ATP13A5: variants seen among roughly 807,000 people sequenced by gnomAD.
ATP13A5 encodes the protein probable cation-transporting ATPase 13A5.
Under a neutral mutation model 150.2 loss-of-function variants are expected in ATP13A5, and 149 were observed. The ratio of observed to expected loss-of-function variants is 0.99; its 90% CI spans 0.87 to 1.14. The LOEUF is 1.14. Ranked by LOEUF, ATP13A5 falls within the 50% of genes most tolerant of loss-of-function variation. The pLI, the probability that ATP13A5 is intolerant of heterozygous loss-of-function variation, is 0.00. For synonymous variants in ATP13A5, 497 were observed against 522.2 expected (o/e 0.95, Z 0.66); for missense variants, 1,383 against 1,449.3 (o/e 0.95, Z 0.74).
intron 1 of ATP13A5, among the ~76,000 whole-genome samples, chr3:193,375,209 C>T (rs1713595986): frequency 6.6e-6 from 1 of 152,156 alleles, no homozygotes; most frequent in South Asian, 2.1e-4. Flanking sequence ...ATACCTACTG[C>T]AGAAGATATG....
At chr3:193,377,472 C>CT (rs531099439) in intron 1 of ATP13A5, among the ~76,000 whole-genome samples, 17 of 152,156 alleles carry the variant, frequency 1.1e-4, no homozygotes, top group Admixed American at 6.5e-4. Context: ...AGATGTTTTA[C>CT]TTTTTTTTAC....
intron 7 of ATP13A5, among the ~76,000 whole-genome samples, chr3:193,346,472 G>A (rs1443522676): frequency 6.6e-6 from 1 of 152,160 alleles, no homozygotes; most frequent in African/African-American, 2.4e-5. Flanking sequence ...TGCTGGGCCA[G>A]CCCTGGAAGG....
chr3:193,362,408 C>A lies in ATP13A5; in HGVS notation c.509G>T (p.Gly170Val). 2 of 1,614,080 alleles carry A rather than the reference C, an allele frequency of 1.2e-6. No individual in the cohort carries two copies. The change falls in exon 5 of 30, where the codon GGT becomes GTT. Residue 170 changes from glycine to valine, a missense_variant. Transcript: ENST00000342358. Reference protein sequence around the residue: ...CSDIHQTFGLGLTSEEQEVRR... With the variant: ...CSDIHQTFGLVLTSEEQEVRR... The stretch of plus-strand genomic sequence containing the variant: ...GACCTCTTGCTCTTCACTGGTCAGA[C>A]CCAATCCAAATGTCTGATGGATGTC...
chr3:193,344,958 C>T (rs528095456), intron 8 of ATP13A5, 45 bp downstream of exon 8: 4 of 1,512,834 alleles, frequency 2.6e-6, no homozygotes, highest in Admixed American at 3.3e-5. Context: ...ACCAATTCCC[C>T]CCTGAAATAT....
chr3:193,354,964 C>T (rs1712724389), intron 5 of ATP13A5, among the ~76,000 whole-genome samples: 2 of 85,896 alleles, frequency 2.3e-5, no homozygotes, highest in Admixed American at 1.2e-4. Flanking sequence ...TGGAGTTTCA[C>T]TCTTGTTGCC....
intron 12 of ATP13A5, among the ~76,000 whole-genome samples, chr3:193,330,549 C>T (rs762791973): frequency 4.6e-5 from 7 of 152,246 alleles, no homozygotes; most frequent in Non-Finnish European, 7.3e-5. Flanking sequence ...ATAGGAGACT[C>T]ACGTCATGGG....
chr3:193,283,014 G>T (rs888617106), intron 27 of ATP13A5, among the ~76,000 whole-genome samples: 1 of 152,046 alleles, frequency 6.6e-6, no homozygotes, highest in African/African-American at 2.4e-5. Flanking sequence ...AAGTATAGTG[G>T]TAAATCAAGA....
chr3:193,362,327 A>G (rs1713042996), intron 5 of ATP13A5, 54 bp downstream of exon 5: 3 of 1,465,200 alleles, frequency 2.0e-6, no homozygotes, highest in Admixed American at 1.7e-5. Flanking sequence ...AACTGATTTG[A>G]TACTTCATTT....
chr3:193,316,731 T>C (rs1719066077), intron 17 of ATP13A5, among the ~76,000 whole-genome samples: 1 of 152,222 alleles, frequency 6.6e-6, no homozygotes, highest in African/African-American at 2.4e-5. Context: ...TCTTATCAGA[T>C]ATATGGTTTG....
intron 23 of ATP13A5, among the ~76,000 whole-genome samples, chr3:193,303,225 A>T (rs1300247951): frequency 2.0e-5 from 3 of 152,100 alleles, no homozygotes; most frequent in African/African-American, 7.2e-5. Context: ...GTGTCTAAAC[A>T]TGGCTGCCGC....
chr3:193,369,034 A>G (rs1713349656), intron 1 of ATP13A5, among the ~76,000 whole-genome samples: 1 of 152,182 alleles, frequency 6.6e-6, no homozygotes, highest in Admixed American at 6.5e-5. Flanking sequence ...GCTTGAGGCC[A>G]GGAGTTCAAG....
Position 193,363,491 on chromosome 3 carries a change from C to T in ATP13A5, c.238-109G>A, listed in dbSNP as rs569662986. On this transcript the variant is annotated intron_variant, in intron 2 of 29. Transcript: ENST00000342358. ...AAAACTTTGACCCAAACAAGCGCATCAGCTTTATCTCAGAACTTAGTAGAA... is the reference window on the plus strand; with the variant it reads ...AAAACTTTGACCCAAACAAGCGCATTAGCTTTATCTCAGAACTTAGTAGAA... 2.5e-5 allele frequency: 25 copies of T among 983,292 alleles called. No homozygotes were observed. In the African/African-American group the frequency reaches 3.9e-4, roughly 15 times the overall value. 60.9% of individuals were successfully genotyped at this position (983,292 alleles called of 1,614,324 possible). A position where few individuals can be genotyped will look rare whatever the true frequency, so the allele number is the denominator to read the frequency against.
chr3:193,307,891 T>A (rs1176095482), intron 21 of ATP13A5, among the ~76,000 whole-genome samples: 1 of 152,238 alleles, frequency 6.6e-6, no homozygotes, highest in Non-Finnish European at 1.5e-5. Context: ...GTTTTCCATC[T>A]ATATCAGTTT....
At chr3:193,332,786 G>A (rs1282993463) in intron 11 of ATP13A5, among the ~76,000 whole-genome samples, 3 of 152,134 alleles carry the variant, frequency 2.0e-5, no homozygotes, top group Non-Finnish European at 4.4e-5. Flanking sequence ...TGGGGTCTGG[G>A]ATTATTAGTC....
Position 193,345,015 on chromosome 3 carries a change from C to T in ATP13A5, c.802G>A (p.Val268Ile), listed in dbSNP as rs1280152650. 5.6e-6 allele frequency: 9 copies of T among 1,613,462 alleles called. No homozygotes were observed. In the African/African-American group the frequency reaches 8.0e-5, roughly 14 times the overall value. ...DHNKVQVTII[V>I]KDKGLEELES... ...ACACATCACTTACCTTTGTCTTTTA[C>T]AATGATTGTAACCTGGACTTTGTTG... Residue 268 changes from valine to isoleucine, a missense_variant, in exon 8 of 30, where the codon GTA becomes ATA. By Grantham distance (29) the Val-to-Ile change is conservative. Coordinates refer to ENST00000342358, the MANE Select transcript of ATP13A5 (RefSeq NM_198505.4).
chr3:193,321,054 C>A (rs1031202336), intron 16 of ATP13A5, among the ~76,000 whole-genome samples: 2 of 152,162 alleles, frequency 1.3e-5, no homozygotes, highest in African/African-American at 2.4e-5. Flanking sequence ...AGCGTCCAGA[C>A]CTCTCCATTT....
chr3:193,340,617 G>T (rs1439141322), intron 9 of ATP13A5, among the ~76,000 whole-genome samples: 4 of 152,088 alleles, frequency 2.6e-5, no homozygotes, highest in Non-Finnish European at 5.9e-5. Flanking sequence ...AAGAGGGAAG[G>T]GGATTGCGGC....
rs546043124 is a variant in ATP13A5 at position 193,347,506 on chromosome 3, A to G, written c.742-2431T>C. On this transcript the variant is annotated intron_variant, in intron 7 of 29. Transcript: ENST00000342358. Reference sequence around the variant, plus strand: ...GCATTTTTTTTCTTTAAGAAGATAAAAATCCTTCCTTAGATTTCTTTTTTT... The same window carrying G: ...GCATTTTTTTTCTTTAAGAAGATAAGAATCCTTCCTTAGATTTCTTTTTTT... Among the ~76,000 whole-genome samples, 17 of 144,380 alleles carry G rather than the reference A, an allele frequency of 1.2e-4. No homozygotes were observed. In the East Asian group the frequency reaches 3.4e-3, roughly 29 times the overall value. 94.7% of individuals were successfully genotyped at this position (144,380 alleles called of 152,430 possible).
intron 11 of ATP13A5, among the ~76,000 whole-genome samples, chr3:193,333,476 A>C (rs868404807): frequency 6.6e-6 from 1 of 152,180 alleles, no homozygotes; most frequent in South Asian, 2.1e-4. Context: ...TAGGTATCTC[A>C]TGCAGTACCA....
Sources: gnomAD v4.1 joint callset for allele counts (sites outside exome capture counted in the v4.1 genomes callset) on GRCh38, gnomAD v4.1.1 for gene constraint, MANE v1.5 for transcripts, NCBI Gene and HGNC (gene_info 2026-07-23, HGNC 2026-07-21) for gene names.